VWA3B: variants seen among roughly 807,000 people sequenced by gnomAD.
The protein encoded by VWA3B is von Willebrand factor A domain containing 3B.
VWA3B carries 138 observed loss-of-function variants against 158.3 expected under a neutral mutation model. The observed-to-expected ratio is 0.87, with a 90% CI of 0.76 to 1.00. VWA3B has a LOEUF of 1.00. Among genes scored for constraint, VWA3B ranks in the 50% least tolerant of loss-of-function variants. The pLI is 0.00. For synonymous variants in VWA3B, 596 were observed against 587.3 expected (o/e 1.01, Z -0.21); for missense variants, 1,555 against 1,565.1 (o/e 0.99, Z 0.11).
intron 9 of VWA3B, among the ~76,000 whole-genome samples, chr2:98,186,315 A>G (rs931366921): frequency 6.6e-6 from 1 of 150,678 alleles, no homozygotes; most frequent in African/African-American, 2.4e-5. Flanking sequence ...CTCTGTCTAC[A>G]CTCATTTCCT....
At chr2:98,286,627 C>T (rs757482302) in intron 22 of VWA3B, among the ~76,000 whole-genome samples, 29 of 151,890 alleles carry the variant, frequency 1.9e-4, no homozygotes, top group Non-Finnish European at 3.4e-4. Context: ...GGGACAAATC[C>T]GACTTGGCCA....
At chr2:98,140,448 T>C (rs764014438) in intron 7 of VWA3B, among the ~76,000 whole-genome samples, 10 of 152,210 alleles carry the variant, frequency 6.6e-5, no homozygotes, top group Non-Finnish European at 1.5e-4. Context: ...CTCGTAGCTG[T>C]CCTTCCCCTT....
intron 8 of VWA3B, among the ~76,000 whole-genome samples, chr2:98,175,300 T>C (rs1049043206): frequency 3.9e-5 from 6 of 152,154 alleles, no homozygotes; most frequent in Non-Finnish European, 5.9e-5. Flanking sequence ...CAGGAAACTA[T>C]GTCTAAAGAA....
chr2:98,255,180 ATATTTTTTT>A (rs1426085543), intron 20 of VWA3B, among the ~76,000 whole-genome samples: 1 of 65,904 alleles, frequency 1.5e-5, no homozygotes, highest in Admixed American at 1.6e-4. Flanking sequence ...CGCCCGGCTG[ATATTTTTTT>A]TTTTTTTTTT....
At chr2:98,124,247 A>G (rs1462964741) in intron 5 of VWA3B, among the ~76,000 whole-genome samples, 5 of 152,250 alleles carry the variant, frequency 3.3e-5, no homozygotes, top group African/African-American at 1.2e-4. Flanking sequence ...TTGGAAAGGA[A>G]ATAATTTTCA....
intron 2 of VWA3B, among the ~76,000 whole-genome samples, chr2:98,102,201 G>C (rs375300877): frequency 3.3e-5 from 5 of 152,186 alleles, no homozygotes; most frequent in African/African-American, 1.2e-4. Flanking sequence ...TAAGGTTATA[G>C]ATTAACAGCA....
In VWA3B at chr2:98,115,767, T is replaced by A. The variant is rs774680626; in HGVS notation, c.291+21T>A. ...ACAATGTAAGTCAGAGTTCCCTCAA[T>A]GCGCAGTCCTGTGACATGGTGCTGA... On this transcript the variant is annotated intron_variant, in intron 3 of 27. Coordinates refer to ENST00000477737, the MANE Select transcript of VWA3B (RefSeq NM_144992.5). 7.6e-6 allele frequency: 12 copies of A among 1,582,104 alleles called. No homozygotes were observed. In the African/African-American group the frequency reaches 1.5e-4, roughly 19 times the overall value.
chr2:98,216,983 C>CCCCCA (rs1553417722), intron 13 of VWA3B: 1 of 1,162,064 alleles, frequency 8.6e-7, no homozygotes, highest in South Asian at 1.4e-5. Flanking sequence ...ATTGTAAGCA[C>CCCCCA]CCGCCCCGCA....
intron 7 of VWA3B, among the ~76,000 whole-genome samples, chr2:98,153,257 A>G (rs1461095958): frequency 1.3e-5 from 2 of 152,234 alleles, no homozygotes; most frequent in Admixed American, 6.5e-5. Flanking sequence ...AAGAATAAAT[A>G]TTAGGTAATA....
chr2:98,114,100 G>T (rs540466735), intron 2 of VWA3B, among the ~76,000 whole-genome samples: 1 of 151,938 alleles, frequency 6.6e-6, no homozygotes, highest in Non-Finnish European at 1.5e-5. Context: ...TTTATATTTC[G>T]TCCAGAATTT....
At chr2:98,217,817 TC>T in intron 13 of VWA3B, 28 bp from the exon 14 acceptor site, 1 of 1,540,298 alleles carries the variant, frequency 6.5e-7, no homozygotes, top group East Asian at 2.3e-5. Context: ...CCATCTCCCT[TC>T]CCCCATCCCC....
chr2:98,209,362 G>A (rs1266637576), intron 12 of VWA3B, among the ~76,000 whole-genome samples: 1 of 151,866 alleles, frequency 6.6e-6, no homozygotes, highest in Non-Finnish European at 1.5e-5. Flanking sequence ...CTCACTGCAA[G>A]CTCCACCTCC....
chr2:98,293,247 C>T (rs1025073334), intron 23 of VWA3B, among the ~76,000 whole-genome samples: 5 of 152,114 alleles, frequency 3.3e-5, no homozygotes, highest in African/African-American at 4.8e-5. Flanking sequence ...TCCCAACAGC[C>T]GCATGGGATC....
At chr2:98,212,570 C>T (rs1683619999) in intron 13 of VWA3B, among the ~76,000 whole-genome samples, 2 of 152,156 alleles carry the variant, frequency 1.3e-5, no homozygotes, top group Admixed American at 1.3e-4. Context: ...AGGAGTACTC[C>T]AGGCATTAAA....
At chr2:98,128,489 G>T in intron 6 of VWA3B, 81 bp downstream of exon 6, 1 of 1,485,084 alleles carries the variant, frequency 6.7e-7, no homozygotes, top group East Asian at 2.3e-5. Flanking sequence ...TGCATTCTTC[G>T]TGGCTTTAAC....
intron 9 of VWA3B, among the ~76,000 whole-genome samples, chr2:98,182,364 G>C (rs991132042): frequency 1.3e-5 from 2 of 152,292 alleles, no homozygotes; most frequent in South Asian, 2.1e-4. Context: ...TGTCCGTCGG[G>C]GCTATGTGAG....
intron 21 of VWA3B, among the ~76,000 whole-genome samples, chr2:98,257,011 C>T (rs537392028): frequency 6.6e-6 from 1 of 152,068 alleles, no homozygotes; most frequent in Non-Finnish European, 1.5e-5. Context: ...ACTATGGTCT[C>T]CCTACTGTGT....
intron 12 of VWA3B, among the ~76,000 whole-genome samples, chr2:98,197,236 G>A (rs1390761658): frequency 6.6e-6 from 1 of 152,132 alleles, no homozygotes; most frequent in Non-Finnish European, 1.5e-5. Flanking sequence ...TATTAGATTG[G>A]GTTATGGATT....
the VWA3B span, among the ~76,000 whole-genome samples, chr2:98,322,528 G>A: frequency 2.6e-5 from 4 of 152,332 alleles, no homozygotes; most frequent in African/African-American, 9.6e-5. Flanking sequence ...GAGAACCCAG[G>A]GAACTCTGTG....
Sources: allele counts gnomAD v4.1 joint callset (sites outside exome capture counted in the v4.1 genomes callset), GRCh38; gene constraint gnomAD v4.1.1; transcripts MANE v1.5; gene names NCBI Gene and HGNC (gene_info 2026-07-23, HGNC 2026-07-21).